Variants in BHLHE40 observed in about 807,000 individuals in gnomAD.
BHLHE40 encodes class E basic helix-loop-helix protein 40.
Under a neutral mutation model 35.7 loss-of-function variants are expected in BHLHE40, and 3 were observed. That is an observed-to-expected ratio of 0.08 (90% CI 0.04 to 0.22). The LOEUF is 0.22. Among genes scored for constraint, BHLHE40 ranks in the 10% least tolerant of loss-of-function variants. BHLHE40 has a pLI of 1.00. For missense variants in BHLHE40, 486 were observed against 524.0 expected, an observed-to-expected ratio of 0.93 and a Z score of 0.71; for synonymous variants, 236 against 213.0, an observed-to-expected ratio of 1.11 and a Z score of -0.94.
Position 4,983,794 on chromosome 3 carries a change from A to G in BHLHE40, c.*102A>G. 1 of 1,424,424 alleles carries G rather than the reference A, an allele frequency of 7.0e-7. No individual in the cohort carries two copies. Among genetic ancestry groups the G allele is most frequent in the Non-Finnish European group, 9.4e-7 (1 of 1,062,176 alleles). 88.2% of individuals were successfully genotyped at this position (1,424,424 alleles called of 1,614,324 possible). The stretch of plus-strand genomic sequence containing the variant: ...GCTGCAAGATTGTTGCATTGTGTAT[A>G]CTGAGATAATCTGAGGCATGGAGAG... On this transcript the variant is annotated 3_prime_UTR_variant, in exon 5 of 5. Coordinates refer to ENST00000256495, the MANE Select transcript of BHLHE40 (RefSeq NM_003670.3). The surrounding 1 kb of genome is among the most constrained non-coding windows in gnomAD (Gnocchi z 5.0).
At chr3:4,980,445 T>A (rs1198550766) in intron 3 of BHLHE40, 37 bp downstream of exon 3, 2 of 1,579,754 alleles carry the variant, frequency 1.3e-6, no homozygotes, top group East Asian at 4.5e-5. Flanking sequence ...ACCCAGTCCT[T>A]TGCCCAGAGG....
chr3:4,980,390 C>G lies in BHLHE40; in HGVS notation c.240C>G (p.Pro80=), dbSNP rs374714372. 3.1e-6 allele frequency: 5 copies of G among 1,613,862 alleles called. No homozygotes were observed. Among genetic ancestry groups the G allele is most frequent in the East Asian group, 2.2e-5 (1 of 44,876 alleles). Residue 80 remains proline (P), a synonymous_variant, in exon 3 of 5, where the codon CCC becomes CCG. Coordinates refer to ENST00000256495, the MANE Select transcript of BHLHE40 (RefSeq NM_003670.3). ...ECIAQLKDLL[P]EHLKLTTLGH... is the part of the protein sequence containing the mutation. ...TCGCCCAGCTGAAGGATCTCCTACC[C>G]GAACATCTCAAACTTACAGTAAGTG...
In BHLHE40 at chr3:4,984,311, C is replaced by G. The variant is rs1013637040; in HGVS notation, c.*619C>G. 2.6e-5 allele frequency: 4 copies of G among 152,226 alleles called. No homozygotes were observed. Among genetic ancestry groups the G allele is most frequent in the Non-Finnish European group, 4.4e-5 (3 of 68,128 alleles). 9.4% of individuals were successfully genotyped at this position (152,226 alleles called of 1,614,324 possible). A position where few individuals can be genotyped will look rare whatever the true frequency, so the allele number is the denominator to read the frequency against. ...AGGTTTCCGCAGGTCTGCTCCCCAC[C>G]CCTGCCTCGGAAGAATAAAGAGAAT... On this transcript the variant is annotated 3_prime_UTR_variant, in exon 5 of 5. Transcript: ENST00000256495.
Position 4,980,404 on chromosome 3 carries a change from T to G in BHLHE40, c.254T>G (p.Leu85Arg). Reference sequence around the variant, plus strand: ...GATCTCCTACCCGAACATCTCAAACTTACAGTAAGTGAGAAGCTGGCCCCT... The same window carrying G: ...GATCTCCTACCCGAACATCTCAAACGTACAGTAAGTGAGAAGCTGGCCCCT... ...LKDLLPEHLK[L>R]TTLGHLEKAV... The change falls in exon 3 of 5, where the codon CTT (leucine) becomes CGT (arginine). Residue 85 changes from leucine to arginine, a missense_variant. Leu to Arg is a moderately radical substitution (Grantham distance 102, BLOSUM62 -2). This residue lies in a region of BHLHE40 where 176 missense variants were observed against 180.5 expected (regional missense o/e 0.98). Coordinates refer to ENST00000256495, the MANE Select transcript of BHLHE40 (RefSeq NM_003670.3). 1 of 1,613,150 alleles carries G rather than the reference T, an allele frequency of 6.2e-7. No individual in the cohort carries two copies. Among genetic ancestry groups the G allele is most frequent in the South Asian group, 1.1e-5 (1 of 91,010 alleles).
At chr3:4,982,745 A>G in intron 4 of BHLHE40, 91 bp from the exon 5 acceptor site, 2 of 1,516,288 alleles carry the variant, frequency 1.3e-6, no homozygotes, top group Non-Finnish European at 1.8e-6. Flanking sequence ...TTTTTTTAAC[A>G]AAAACTAAAG....
Position 4,982,830 on chromosome 3 carries a change from C to T in BHLHE40, c.383-6C>T, listed in dbSNP as rs771192581. ...AACGTTTTCCTTCGGATTTTTCTTT[C>T]CCCAGGTGAGCTGTCAGGGAGAAAT... On this transcript the variant is annotated splice_polypyrimidine_tract_variant and splice_region_variant and intron_variant, in intron 4 of 4. Transcript: ENST00000256495. 6.2e-6 allele frequency: 10 copies of T among 1,613,566 alleles called. No individual in the cohort carries two copies. Among genetic ancestry groups the T allele is most frequent in the Non-Finnish European group, 8.5e-6 (10 of 1,179,908 alleles).
Position 4,979,963 on chromosome 3 carries a change from A to T in BHLHE40, c.82A>T (p.Met28Leu). 4 of 1,614,066 alleles carry T rather than the reference A, an allele frequency of 2.5e-6. No individual in the cohort carries two copies. The highest frequency in any genetic ancestry group is 3.4e-6 in the Non-Finnish European group (4 of 1,179,940). The change falls in exon 2 of 5, where the codon ATG (methionine) becomes TTG (leucine). Residue 28 changes from methionine to leucine, a missense_variant and splice_region_variant. Physicochemically the swap from Met to Leu is conservative, Grantham distance 15. This residue lies in a region of BHLHE40 where 87 missense variants were observed against 66.7 expected (regional missense o/e 1.30). Transcript: ENST00000256495. ...CCTTCCTGGTCTCTCTTCCTGCAGG[A>T]TGTACCCTGCCCACATGTACCAAGT... The part of the protein sequence containing the change: ...PGLEHGDLPG[M>L]YPAHMYQVYK...
intron 3 of BHLHE40, 64 bp from the exon 4 acceptor site, chr3:4,981,328 A>G: frequency 1.9e-6 from 3 of 1,560,462 alleles, no homozygotes; most frequent in Non-Finnish European, 2.6e-6. Context: ...TCTCATTGCT[A>G]ATAAATGTCC....
At position 4,982,896 on chromosome 3, in the gene BHLHE40, C is replaced by A; in HGVS notation, c.443C>A (p.Thr148Lys). Residue 148 changes from threonine to lysine, a missense_variant, in exon 5 of 5, where the codon ACA (threonine) becomes AAA (lysine). This residue lies in a region of BHLHE40 where 176 missense variants were observed against 180.5 expected (regional missense o/e 0.98). Coordinates refer to ENST00000256495, the MANE Select transcript of BHLHE40 (RefSeq NM_003670.3). ...GQEMFCSGFQ[T>K]CAREVLQYLA... is the part of the protein sequence containing the mutation. ...GAGATGTTCTGCTCAGGTTTCCAGA[C>A]ATGTGCCCGGGAGGTGCTTCAGTAT... 6.2e-7 allele frequency: 1 copy of A among 1,614,156 alleles called. No individual in the cohort carries two copies. Among genetic ancestry groups the A allele is most frequent in the South Asian group, 1.1e-5 (1 of 91,080 alleles).
intron 2 of BHLHE40, 55 bp downstream of exon 2, chr3:4,980,086 T>G: frequency 1.3e-6 from 2 of 1,591,276 alleles, no homozygotes; most frequent in Middle Eastern, 3.3e-4. Context: ...CGCGCTGAGT[T>G]TCCAAGAAAA....
At position 4,983,111 on chromosome 3, in the gene BHLHE40, G is replaced by A; in HGVS notation, c.658G>A (p.Val220Met). ...TTCGGAAGGTCCTGGGAAAAACTGC[G>A]TGCCAGTCATCCAGCGGACTTTCGC... Reference protein sequence around the residue: ...KGSEGPGKNCVPVIQRTFAHS... With the variant: ...KGSEGPGKNCMPVIQRTFAHS... The change falls in exon 5 of 5, where the codon GTG becomes ATG. Residue 220 changes from valine (V) to methionine (M), a missense_variant. Transcript: ENST00000256495. The surrounding 1 kb of genome is among the most constrained non-coding windows in gnomAD (Gnocchi z 5.0). 1 of 1,614,138 alleles carries A rather than the reference G, an allele frequency of 6.2e-7. No individual in the cohort carries two copies. Among genetic ancestry groups the A allele is most frequent in the Non-Finnish European group, 8.5e-7 (1 of 1,180,008 alleles).
intron 3 of BHLHE40, among the ~76,000 whole-genome samples, chr3:4,980,710 C>T (rs148391295): frequency 1.8e-3 from 273 of 152,210 alleles, no homozygotes; most frequent in African/African-American, 6.1e-3. Context: ...AGGAACACGC[C>T]AAGAAACACA....
chr3:4,981,991 A>G (rs2053202548), intron 4 of BHLHE40, among the ~76,000 whole-genome samples: 1 of 152,214 alleles, frequency 6.6e-6, no homozygotes, highest in Non-Finnish European at 1.5e-5. Flanking sequence ...CTGAATAGCC[A>G]CTAGGTATCT....
chr3:4,983,657 C>T lies in BHLHE40; in HGVS notation c.1204C>T (p.Pro402Ser), dbSNP rs1464609733. 6.2e-7 allele frequency: 1 copy of T among 1,612,814 alleles called. No individual in the cohort carries two copies. Among genetic ancestry groups the T allele is most frequent in the African/African-American group, 1.3e-5 (1 of 74,974 alleles). ...DSSVLLQALK[P>S]IPPLNLETKD is the part of the protein sequence containing the mutation. ...TTCTGTCTTGCTCCAAGCTCTGAAG[C>T]CAATCCCCCCTTTAAACTTAGAAAC... Residue 402 changes from proline to serine, a missense_variant, in exon 5 of 5, where the codon CCA becomes TCA. By Grantham distance (74) the Pro-to-Ser change is moderately conservative. Coordinates refer to ENST00000256495, the MANE Select transcript of BHLHE40 (RefSeq NM_003670.3). This position sits in a 1 kb window ranked among gnomAD's most constrained non-coding sequence, Gnocchi z 5.0.
Position 4,979,751 on chromosome 3 carries a change from C to G in BHLHE40, c.33C>G (p.Pro11=), listed in dbSNP as rs1485623849. Residue 11 remains proline, a synonymous_variant, in exon 1 of 5, where the codon CCC becomes CCG. Coordinates refer to ENST00000256495, the MANE Select transcript of BHLHE40 (RefSeq NM_003670.3). Reference sequence around the variant, plus strand: ...GGATCCCCAGCGCGCAACCACCCCCCGCCTGCCTGCCCAAAGCACCGGGAC... The same window carrying G: ...GGATCCCCAGCGCGCAACCACCCCCGGCCTGCCTGCCCAAAGCACCGGGAC... The part of the protein sequence containing the change: MERIPSAQPP[P]ACLPKAPGLE... 2.5e-6 allele frequency: 4 copies of G among 1,579,686 alleles called. No individual in the cohort carries two copies. In the East Asian group the frequency reaches 7.1e-5, roughly 28 times the overall value.
chr3:4,980,498 C>A, intron 3 of BHLHE40, 90 bp downstream of exon 3: 2 of 1,066,512 alleles, frequency 1.9e-6, no homozygotes, highest in Non-Finnish European at 2.8e-6. Context: ...CGGGGAACTG[C>A]AGACCAGACT....
chr3:4,982,422 C>G (rs1036951138), intron 4 of BHLHE40, among the ~76,000 whole-genome samples: 1 of 152,182 alleles, frequency 6.6e-6, no homozygotes, highest in African/African-American at 2.4e-5. Flanking sequence ...AACTATCCAG[C>G]CTCTGCCCAT....
At position 4,983,907 on chromosome 3, in the gene BHLHE40, G is replaced by A; in HGVS notation, c.*215G>A. 1 of 608,136 alleles carries A rather than the reference G, an allele frequency of 1.6e-6. No individual in the cohort carries two copies. The highest frequency in any genetic ancestry group is 2.7e-6 in the Non-Finnish European group (1 of 369,998). 37.7% of individuals were successfully genotyped at this position (608,136 alleles called of 1,614,324 possible). A position where few individuals can be genotyped will look rare whatever the true frequency, so the allele number is the denominator to read the frequency against. ...CTGCGTGTTGGTATAGGACTTTAAA[G>A]CTCCTTTTGGCATAGGGAAGTCACG... On this transcript the variant is annotated 3_prime_UTR_variant, in exon 5 of 5. Coordinates refer to ENST00000256495, the MANE Select transcript of BHLHE40 (RefSeq NM_003670.3). The surrounding 1 kb of genome is among the most constrained non-coding windows in gnomAD (Gnocchi z 5.0).
intron 4 of BHLHE40, 106 bp from the exon 5 acceptor site, chr3:4,982,730 A>ATTTT: frequency 9.2e-7 from 1 of 1,090,674 alleles, no homozygotes; most frequent in Non-Finnish European, 1.3e-6. Flanking sequence ...CAGTAAATGC[A>ATTTT]TTTTTTTTTT....
Sources: allele counts gnomAD v4.1 joint callset (sites outside exome capture counted in the v4.1 genomes callset), GRCh38; gene constraint gnomAD v4.1.1; regional missense constraint gnomAD v4.1.1; non-coding constraint Gnocchi (gnomAD v3.1); transcripts MANE v1.5; gene names NCBI Gene and HGNC (gene_info 2026-07-23, HGNC 2026-07-21).